CC2D2B: variants seen among roughly 807,000 people sequenced by gnomAD.
The protein encoded by CC2D2B is protein CC2D2B.
A neutral mutation model predicts 161.2 loss-of-function variants in CC2D2B; 128 were observed. The observed-to-expected ratio is 0.79, with a 90% confidence interval of 0.69 to 0.92. The LOEUF (loss-of-function observed/expected upper bound fraction) is 0.92. Among genes scored for constraint, CC2D2B ranks in the 40% least tolerant of loss-of-function variants. The pLI is 0.00. For missense variants in CC2D2B, 1,173 were observed against 1,375.1 expected, an observed-to-expected ratio of 0.85 and a Z score of 2.32; for synonymous variants, 391 against 449.8, an observed-to-expected ratio of 0.87 and a Z score of 1.65.
At chr10:95,933,861 G>A (rs1305859483) in intron 6 of CC2D2B, among the ~76,000 whole-genome samples, 1 of 152,204 alleles carries the variant, frequency 6.6e-6, no homozygotes, top group Admixed American at 6.5e-5. Context: ...ACAGGGGTCA[G>A]GGAACCACTT....
Position 95,938,058 on chromosome 10 carries a change from G to A in CC2D2B, c.404G>A (p.Ser135Asn). The change falls in exon 7 of 35, where the codon AGT becomes AAT. Residue 135 changes from serine to asparagine, a missense_variant. Coordinates refer to ENST00000646931, the MANE Select transcript of CC2D2B (RefSeq NM_001349008.3). Reference sequence around the variant, plus strand: ...GTTAATTTACAAAATGTTGCTGAGAGTGAAGAGGAAGAGTTTATGAAAGAA... The same window carrying A: ...GTTAATTTACAAAATGTTGCTGAGAATGAAGAGGAAGAGTTTATGAAAGAA... ...LGVNLQNVAE[S>N]EEEEFMKEFI... The A allele has an allele frequency of 6.4e-7, 1 of 1,550,930 alleles. No homozygotes were observed.
intron 33 of CC2D2B, among the ~76,000 whole-genome samples, chr10:96,026,614 C>G (rs2079790108): frequency 1.3e-5 from 2 of 152,132 alleles, no homozygotes. Context: ...GTTGTCAAAT[C>G]ACACCCAGTA....
intron 14 of CC2D2B, among the ~76,000 whole-genome samples, chr10:95,967,529 G>A (rs2076981077): frequency 6.6e-6 from 1 of 152,054 alleles, no homozygotes; most frequent in African/African-American, 2.4e-5. Context: ...CGATATAGAG[G>A]ATAGAAGTGA....
At chr10:95,994,419 G>A (rs915338387) in intron 22 of CC2D2B, among the ~76,000 whole-genome samples, 7 of 152,162 alleles carry the variant, frequency 4.6e-5, no homozygotes, top group East Asian at 1.9e-4. Flanking sequence ...CCAGGAGTAC[G>A]GGAGGAACAT....
intron 2 of CC2D2B, among the ~76,000 whole-genome samples, chr10:95,912,215 T>A (rs1234577475): frequency 1.3e-5 from 2 of 152,198 alleles, no homozygotes; most frequent in Non-Finnish European, 2.9e-5. Flanking sequence ...GCTATTATAT[T>A]TTTTAGCATT....
intron 26 of CC2D2B, 122 bp from the exon 27 acceptor site, chr10:96,012,063 T>C (rs1439641864): frequency 7.5e-6 from 4 of 532,774 alleles, no homozygotes; most frequent in Non-Finnish European, 1.3e-5. Context: ...TGCAAATGAG[T>C]AGAAGCCCGT....
At chr10:95,936,811 G>T (rs936027020) in intron 6 of CC2D2B, among the ~76,000 whole-genome samples, 1 of 152,156 alleles carries the variant, frequency 6.6e-6, no homozygotes, top group Non-Finnish European at 1.5e-5. Context: ...AGAGCCCAGC[G>T]TAGTCTACCA....
chr10:95,983,780 G>C lies in CC2D2B; in HGVS notation c.2257G>C (p.Asp753His). The change falls in exon 19 of 35, where the codon GAT (aspartate) becomes CAT (histidine). Residue 753 changes from aspartate to histidine, a missense_variant. Asp to His is a moderately conservative substitution (Grantham distance 81). This residue lies in a region of CC2D2B where 277 missense variants were observed against 420.6 expected (regional missense o/e 0.66). Coordinates refer to ENST00000646931, the MANE Select transcript of CC2D2B (RefSeq NM_001349008.3). ...NFLLQQMPLHDTEIPDLVFQE... is the reference protein window; with the variant it reads ...NFLLQQMPLHHTEIPDLVFQE... ...CCTTCTACAGCAAATGCCCCTCCAT[G>C]ATACAGAGATTCCAGATTTAGTCTT... 8.1e-7 allele frequency: 1 copy of C among 1,229,486 alleles called. No individual in the cohort carries two copies. Among genetic ancestry groups the C allele is most frequent in the Non-Finnish European group, 1.0e-6 (1 of 985,690 alleles). The allele number at this position is 1,229,486 out of a possible 1,614,324, so 76.2% of individuals were successfully genotyped here.
chr10:95,971,731 A>G (rs991519459), intron 15 of CC2D2B, among the ~76,000 whole-genome samples: 3 of 152,196 alleles, frequency 2.0e-5, no homozygotes, highest in African/African-American at 7.2e-5. Flanking sequence ...TTTATTTCCT[A>G]TAATTTTTAT....
At chr10:95,994,286 C>CA (rs1443720994) in intron 22 of CC2D2B, among the ~76,000 whole-genome samples, 8 of 151,782 alleles carry the variant, frequency 5.3e-5, no homozygotes, top group African/African-American at 1.9e-4. Flanking sequence ...TTTAGGTAGC[C>CA]AAAGCAGACA....
At chr10:96,013,229 T>G (rs1042318573) in intron 28 of CC2D2B, among the ~76,000 whole-genome samples, 1 of 152,132 alleles carries the variant, frequency 6.6e-6, no homozygotes, top group Non-Finnish European at 1.5e-5. Context: ...TTAGTCTGAG[T>G]CTTTGTCTCC....
chr10:95,920,147 A>G (rs1205477376), intron 2 of CC2D2B: 1 of 152,136 alleles, frequency 6.6e-6, no homozygotes, highest in Admixed American at 6.6e-5. Context: ...TCTGCTTGAT[A>G]CACTTTATTT....
chr10:95,916,776 T>A (rs1390269980), intron 2 of CC2D2B, among the ~76,000 whole-genome samples: 1 of 152,192 alleles, frequency 6.6e-6, no homozygotes, highest in African/African-American at 2.4e-5. Flanking sequence ...TTCAAAGTTT[T>A]TGAATTTTTA....
chr10:95,966,834 C>G (rs2076955944), intron 14 of CC2D2B, among the ~76,000 whole-genome samples: 1 of 152,018 alleles, frequency 6.6e-6, no homozygotes, highest in African/African-American at 2.4e-5. Flanking sequence ...GTTGTGATTT[C>G]TTCCTTGAGC....
At chr10:96,007,805 A>G (rs1250525973) in intron 25 of CC2D2B, among the ~76,000 whole-genome samples, 3 of 152,080 alleles carry the variant, frequency 2.0e-5, no homozygotes, top group Non-Finnish European at 1.5e-5. Context: ...AGTGGAGTAG[A>G]TCATAGGGTG....
At chr10:95,998,919 C>G (rs1037858746) in intron 24 of CC2D2B, among the ~76,000 whole-genome samples, 7 of 151,870 alleles carry the variant, frequency 4.6e-5, no homozygotes, top group African/African-American at 1.5e-4. Context: ...AGTTTGAGAC[C>G]AGCCTGGCCA....
intron 28 of CC2D2B, among the ~76,000 whole-genome samples, chr10:96,013,052 A>G (rs1390174369): frequency 6.6e-6 from 1 of 152,192 alleles, no homozygotes; most frequent in East Asian, 1.9e-4. Context: ...CTATGTACAA[A>G]TCTGAGCTCC....
Position 95,981,955 on chromosome 10 carries a change from A to G in CC2D2B, c.1944-20A>G, listed in dbSNP as rs2077547335. On this transcript the variant is annotated intron_variant, in intron 17 of 34. Coordinates refer to ENST00000646931, the MANE Select transcript of CC2D2B (RefSeq NM_001349008.3). ...ATTTTATATTGTATGCAAGTTCACA[A>G]AATATTTTCTCTATGTTAGTATGTT... is the stretch of plus-strand genomic sequence containing the variant. 1.7e-5 allele frequency: 20 copies of G among 1,199,816 alleles called. 1 individual carries two copies. The South Asian group carries it at 6.4e-4, about 38-fold the overall frequency. 74.3% of individuals were successfully genotyped at this position (1,199,816 alleles called of 1,614,324 possible).
chr10:95,956,881 T>G (rs1387850757), intron 11 of CC2D2B, among the ~76,000 whole-genome samples: 1 of 152,220 alleles, frequency 6.6e-6, no homozygotes, highest in African/African-American at 2.4e-5. Context: ...TATTTTTTAC[T>G]CTTGTATTGT....
Sources: gnomAD v4.1 joint callset for allele counts (sites outside exome capture counted in the v4.1 genomes callset) on GRCh38, gnomAD v4.1.1 for gene constraint, gnomAD v4.1.1 regional missense constraint, MANE v1.5 for transcripts, NCBI Gene and HGNC (gene_info 2026-07-23, HGNC 2026-07-21) for gene names.